KCNIP4: variants seen among roughly 807,000 people sequenced by gnomAD.
KCNIP4 encodes the protein Kv channel-interacting protein 4.
KCNIP4 carries 12 observed loss-of-function variants against 34.0 expected under a neutral mutation model. That is an observed-to-expected ratio of 0.35 (90% CI 0.23 to 0.57). KCNIP4 has a LOEUF of 0.57. KCNIP4 is among the 20% of genes least tolerant of loss of function. The pLI is 0.83. For missense variants in KCNIP4, 238 were observed against 311.7 expected (o/e 0.76, Z 1.78); for synonymous variants, 124 against 102.2 (o/e 1.21, Z -1.29).
At chr4:21,015,641 A>ATAATATAGTATATTGTAT in intron 1 of KCNIP4, among the ~76,000 whole-genome samples, 1 of 118,960 alleles carries the variant, frequency 8.4e-6, no homozygotes, top group Admixed American at 9.2e-5. Flanking sequence ...TTAATATAAT[A>ATAATATAGTATATTGTAT]TAATATAGTA....
intron 1 of KCNIP4, among the ~76,000 whole-genome samples, chr4:21,050,442 A>G (rs978765574): frequency 6.6e-6 from 1 of 152,240 alleles, no homozygotes; most frequent in Non-Finnish European, 1.5e-5. Flanking sequence ...AATAAAAATT[A>G]GCTTAAATAT....
intron 1 of KCNIP4, among the ~76,000 whole-genome samples, chr4:21,526,975 G>T (rs1057474090): frequency 6.6e-6 from 1 of 152,082 alleles, no homozygotes; most frequent in African/African-American, 2.4e-5. Context: ...TTCAGGGAAC[G>T]GGTCTACCCC....
In KCNIP4 at chr4:21,819,973, G is replaced by A. The variant is rs144783401; in HGVS notation, c.61+128598C>T. On this transcript the variant is annotated intron_variant, in intron 1 of 8. Transcript: ENST00000382152. ...TACTGGAGCAATGCCCAGATGGAAA[G>A]TGGCAAGATATTTAATTTGATATAG... Among the ~76,000 whole-genome samples the A allele has an allele frequency of 5.3e-3, 813 of 152,062 alleles. 5 individuals carry two copies. Among genetic ancestry groups the A allele is most frequent in the Non-Finnish European group, 7.1e-3 (482 of 67,978 alleles).
At chr4:21,037,901 C>A (rs1741593581) in intron 1 of KCNIP4, among the ~76,000 whole-genome samples, 2 of 152,188 alleles carry the variant, frequency 1.3e-5, no homozygotes, top group Non-Finnish European at 2.9e-5. Context: ...ATGACTTCCA[C>A]TGTGTTTCTC....
intron 1 of KCNIP4, among the ~76,000 whole-genome samples, chr4:21,352,002 C>T (rs1031328737): frequency 2.0e-5 from 3 of 152,170 alleles, no homozygotes; most frequent in African/African-American, 7.2e-5. Context: ...TCTGCCATAA[C>T]ATCAGTTATG....
intron 1 of KCNIP4, among the ~76,000 whole-genome samples, chr4:21,235,338 T>C (rs1427471803): frequency 6.6e-6 from 1 of 152,010 alleles, no homozygotes; most frequent in Non-Finnish European, 1.5e-5. Context: ...GGCTCCTGGC[T>C]CTCTCTCTCT....
chr4:21,322,096 G>T (rs956206575), intron 1 of KCNIP4, among the ~76,000 whole-genome samples: 1 of 131,470 alleles, frequency 7.6e-6, no homozygotes, highest in African/African-American at 2.9e-5. Flanking sequence ...GAGGGAAGGA[G>T]AAAAAGAGGA....
At chr4:21,511,378 C>A (rs921869956) in intron 1 of KCNIP4, among the ~76,000 whole-genome samples, 5 of 136,042 alleles carry the variant, frequency 3.7e-5, no homozygotes, top group African/African-American at 5.3e-5. Context: ...TCTTTTTAAG[C>A]CCTGGTGAAT....
At chr4:21,379,355 C>T (rs1161031848) in intron 1 of KCNIP4, among the ~76,000 whole-genome samples, 1 of 152,178 alleles carries the variant, frequency 6.6e-6, no homozygotes, top group East Asian at 1.9e-4. Context: ...TACCGTTCTG[C>T]ATGCTTCCTC....
chr4:21,505,348 G>A (rs957574226), intron 1 of KCNIP4, among the ~76,000 whole-genome samples: 1 of 151,824 alleles, frequency 6.6e-6, no homozygotes, highest in Admixed American at 6.6e-5. Flanking sequence ...ACACCGATAG[G>A]TTGTGAGGCT....
intron 1 of KCNIP4, among the ~76,000 whole-genome samples, chr4:21,838,114 G>A (rs1223654834): frequency 6.6e-6 from 1 of 151,936 alleles, no homozygotes; most frequent in Non-Finnish European, 1.5e-5. Context: ...AAATAATAAG[G>A]CCTGCATCTT....
chr4:21,518,711 C>T (rs913703723), intron 1 of KCNIP4, among the ~76,000 whole-genome samples: 3 of 151,986 alleles, frequency 2.0e-5, no homozygotes, highest in East Asian at 3.9e-4. Flanking sequence ...AATTGAATCC[C>T]CTGTAAGTCA....
rs149940392 is a variant in KCNIP4, at chr4:21,702,023, A to C, written c.61+246548T>G. Among the ~76,000 whole-genome samples the C allele has an allele frequency of 3.4e-3, 519 of 152,080 alleles. 4 individuals carry two copies. Among genetic ancestry groups the C allele is most frequent in the South Asian group, 5.6e-3 (27 of 4,812 alleles). Reference sequence around the variant, plus strand: ...CCGGCCTACTAAAAATACTTTTTAAAATGAGAGATAAAACTAGAAAACCTA... The same window carrying C: ...CCGGCCTACTAAAAATACTTTTTAACATGAGAGATAAAACTAGAAAACCTA... On this transcript the variant is annotated intron_variant, in intron 1 of 8. Coordinates refer to ENST00000382152, the MANE Select transcript of KCNIP4 (RefSeq NM_025221.6).
At chr4:21,069,797 G>C (rs550186843) in intron 1 of KCNIP4, among the ~76,000 whole-genome samples, 1 of 152,282 alleles carries the variant, frequency 6.6e-6, no homozygotes, top group African/African-American at 2.4e-5. Flanking sequence ...GAAGTTCTAA[G>C]TACCCTTCAC....
chr4:21,902,269 A>G (rs1258303888), intron 1 of KCNIP4, among the ~76,000 whole-genome samples: 2 of 152,104 alleles, frequency 1.3e-5, no homozygotes. Flanking sequence ...CCATTTATTT[A>G]TATTACAAAT....
At chr4:21,189,623 C>G (rs1577858198) in intron 1 of KCNIP4, among the ~76,000 whole-genome samples, 1 of 151,812 alleles carries the variant, frequency 6.6e-6, no homozygotes, top group East Asian at 1.9e-4. Flanking sequence ...GGAAGCAAAG[C>G]ACATTTGCAC....
At chr4:21,295,184 T>A (rs2109222230) in intron 1 of KCNIP4, among the ~76,000 whole-genome samples, 1 of 152,172 alleles carries the variant, frequency 6.6e-6, no homozygotes, top group East Asian at 1.9e-4. Flanking sequence ...AAAACCTAGA[T>A]CAATGAAGAG....
At chr4:21,363,070 T>C (rs1719388066) in intron 1 of KCNIP4, among the ~76,000 whole-genome samples, 1 of 152,200 alleles carries the variant, frequency 6.6e-6, no homozygotes, top group Non-Finnish European at 1.5e-5. Context: ...GAGTTCTTTC[T>C]TTATCTCCTT....
chr4:21,883,438 A>G (rs1726577730), intron 1 of KCNIP4, among the ~76,000 whole-genome samples: 1 of 152,086 alleles, frequency 6.6e-6, no homozygotes, highest in South Asian at 2.1e-4. Context: ...CATGAGCCAC[A>G]GTGTCTGGCC....
Sources: gnomAD v4.1 joint callset for allele counts (sites outside exome capture counted in the v4.1 genomes callset) on GRCh38, gnomAD v4.1.1 for gene constraint, MANE v1.5 for transcripts, NCBI Gene and HGNC (gene_info 2026-07-23, HGNC 2026-07-21) for gene names.